Variants in TUBD1 observed in about 807,000 individuals in gnomAD.
TUBD1 encodes tubulin delta 1.
TUBD1 carries 38 observed loss-of-function variants against 51.2 expected under a neutral mutation model. The ratio of observed to expected loss-of-function variants is 0.74; its 90% CI spans 0.57 to 0.97. The LOEUF is 0.97. Ranked by LOEUF, TUBD1 falls within the 50% of genes least tolerant of loss-of-function variation. The pLI is 0.00. For missense variants in TUBD1, 489 were observed against 538.4 expected (o/e 0.91, Z 0.91); for synonymous variants, 169 against 178.2 (o/e 0.95, Z 0.41).
intron 8 of TUBD1, among the ~76,000 whole-genome samples, chr17:59,862,488 T>C (rs1598495424): frequency 6.6e-6 from 1 of 152,026 alleles, no homozygotes; most frequent in Non-Finnish European, 1.5e-5. Context: ...CATAATCTTA[T>C]TGAGGAACAT....
At position 59,892,207 on chromosome 17, in the gene TUBD1, G is replaced by A. The variant is rs76920334; in HGVS notation, c.-40+490C>T. Among the ~76,000 whole-genome samples, 391 of 152,230 alleles carry A rather than the reference G, an allele frequency of 2.6e-3. 1 individual carries two copies. Among genetic ancestry groups the A allele is most frequent in the Non-Finnish European group, 4.5e-3 (303 of 68,034 alleles). On this transcript the variant is annotated intron_variant, in intron 1 of 8. Transcript: ENST00000325752. ...TAAGAAAGATTTTGTGTTTAGCTCA[G>A]GTAGGACAGCAAGAAAGATGCAGCT...
At chr17:59,869,216 C>T (rs769463492) in intron 6 of TUBD1, among the ~76,000 whole-genome samples, 6 of 151,800 alleles carry the variant, frequency 4.0e-5, no homozygotes, top group Non-Finnish European at 7.4e-5. Flanking sequence ...TGGCTTCTGC[C>T]TATAATCCCA....
chr17:59,885,816 T>C (rs1006742734), intron 3 of TUBD1, among the ~76,000 whole-genome samples: 2 of 152,190 alleles, frequency 1.3e-5, no homozygotes. Flanking sequence ...GATATGGACA[T>C]TACATTGGTA....
Position 59,877,978 on chromosome 17 carries a change from G to C in TUBD1, c.769+125C>G. The C allele has an allele frequency of 6.7e-6, 5 of 747,140 alleles. No homozygotes were observed. In the South Asian group the frequency reaches 9.4e-5, roughly 14 times the overall value. 46.3% of individuals were successfully genotyped at this position (747,140 alleles called of 1,614,324 possible). Reference sequence around the variant, plus strand: ...AGTTCAGAGAACTAGCAGATGTGAAGAAAGGGTTTTGAGATGAGCAAGACT... The same window carrying C: ...AGTTCAGAGAACTAGCAGATGTGAACAAAGGGTTTTGAGATGAGCAAGACT... On this transcript the variant is annotated intron_variant, in intron 5 of 8. Coordinates refer to ENST00000325752, the MANE Select transcript of TUBD1 (RefSeq NM_016261.4).
Position 59,891,127 on chromosome 17 carries a change from TAA to T in TUBD1, c.-39-88_-39-87del, listed in dbSNP as rs894091601. ...GCCATGTATGTTAATTATACATCAATAAAAAGTCTTTTTTCCCCCCTGAGACG... is the reference window on the plus strand; with the variant it reads ...GCCATGTATGTTAATTATACATCAATAAAGTCTTTTTTCCCCCCTGAGACG... On this transcript the variant is annotated intron_variant, in intron 1 of 8. Coordinates refer to ENST00000325752, the MANE Select transcript of TUBD1 (RefSeq NM_016261.4). 1.4e-5 allele frequency: 10 copies of T among 740,278 alleles called. No individual in the cohort carries two copies. The African/African-American group carries it at 1.8e-4, about 13-fold the overall frequency. 45.9% of individuals were successfully genotyped at this position (740,278 alleles called of 1,614,324 possible).
intron 4 of TUBD1, among the ~76,000 whole-genome samples, chr17:59,879,268 CA>C (rs373101335): frequency 5.5e-4 from 71 of 128,428 alleles, no homozygotes; most frequent in Middle Eastern, 3.9e-3. Context: ...AACTCTGTCT[CA>C]AAAAAAAAAA....
intron 8 of TUBD1, among the ~76,000 whole-genome samples, chr17:59,861,817 G>A (rs58777161): frequency 0.13 from 19,458 of 150,634 alleles, 1,510 homozygotes; most frequent in Middle Eastern, 0.22. Context: ...ACAGGTGCCC[G>A]CCACCACGCC....
At chr17:59,870,336 G>A (rs1299950165) in intron 6 of TUBD1, among the ~76,000 whole-genome samples, 1 of 119,340 alleles carries the variant, frequency 8.4e-6, no homozygotes, top group African/African-American at 3.2e-5. Flanking sequence ...TGATGCCACT[G>A]CATCATCTTA....
At chr17:59,880,438 G>A (rs1332781187) in intron 4 of TUBD1, among the ~76,000 whole-genome samples, 2 of 152,010 alleles carry the variant, frequency 1.3e-5, no homozygotes, top group Non-Finnish European at 2.9e-5. Context: ...ATATAATATG[G>A]TACTCATATT....
At chr17:59,869,639 C>A (rs1008578665) in intron 6 of TUBD1, among the ~76,000 whole-genome samples, 1 of 152,122 alleles carries the variant, frequency 6.6e-6, no homozygotes. Context: ...AGGTATTGCT[C>A]GAAAAACAGG....
At chr17:59,888,673 A>G (rs1211599916) in intron 2 of TUBD1, among the ~76,000 whole-genome samples, 1 of 152,106 alleles carries the variant, frequency 6.6e-6, no homozygotes, top group Non-Finnish European at 1.5e-5. Flanking sequence ...ACAACTGGAG[A>G]AGAAAAGTGG....
intron 3 of TUBD1, chr17:59,885,573 T>C: frequency 1.6e-6 from 2 of 1,271,972 alleles, no homozygotes; most frequent in South Asian, 1.2e-5. Flanking sequence ...TCGTGGGCTT[T>C]TGTGCCCTCT....
chr17:59,872,031 G>A (rs1465220651), intron 6 of TUBD1, among the ~76,000 whole-genome samples: 2 of 151,904 alleles, frequency 1.3e-5, no homozygotes, highest in Non-Finnish European at 2.9e-5. Flanking sequence ...TCAGCTCGCT[G>A]CAACCTCTGC....
intron 4 of TUBD1, chr17:59,878,634 C>T: frequency 3.8e-6 from 1 of 265,132 alleles, no homozygotes; most frequent in Non-Finnish European, 7.3e-6. Context: ...CTTGTGCCAC[C>T]ATGCCCAGCT....
chr17:59,888,798 G>A (rs1194327631), intron 2 of TUBD1, among the ~76,000 whole-genome samples: 2 of 150,746 alleles, frequency 1.3e-5, no homozygotes, highest in African/African-American at 2.4e-5. Flanking sequence ...CACACTCTCC[G>A]ACTCCCGGGT....
chr17:59,865,449 G>A lies in TUBD1; in HGVS notation c.1075+1160C>T, dbSNP rs539638870. ...AAAAAAATCAACCGGGCATGGTGGC[G>A]CATGCCTATAATCCCAGCTACTTGG... On this transcript the variant is annotated intron_variant, in intron 7 of 8. Coordinates refer to ENST00000325752, the MANE Select transcript of TUBD1 (RefSeq NM_016261.4). Among the ~76,000 whole-genome samples, 28 of 152,176 alleles carry A rather than the reference G, an allele frequency of 1.8e-4. No homozygotes were observed. In the South Asian group the frequency reaches 2.9e-3, roughly 16 times the overall value.
intron 2 of TUBD1, among the ~76,000 whole-genome samples, chr17:59,887,080 G>A (rs538020008): frequency 6.6e-5 from 10 of 152,136 alleles, no homozygotes; most frequent in Non-Finnish European, 1.0e-4. Flanking sequence ...CAGCTACTCC[G>A]GAGGCTGAGG....
intron 2 of TUBD1, among the ~76,000 whole-genome samples, chr17:59,888,215 A>G (rs1417624040): frequency 2.6e-5 from 4 of 152,084 alleles, no homozygotes; most frequent in East Asian, 1.9e-4. Flanking sequence ...GATTATAGGC[A>G]TGAGCCACTG....
In TUBD1 at chr17:59,859,700, A is replaced by G. The variant is rs367634147; in HGVS notation, c.*622T>C. The G allele has an allele frequency of 1.6e-4, 24 of 152,612 alleles. No homozygotes were observed. Among genetic ancestry groups the G allele is most frequent in the African/African-American group, 5.8e-4 (24 of 41,452 alleles). 9.5% of individuals were successfully genotyped at this position (152,612 alleles called of 1,614,324 possible). On this transcript the variant is annotated 3_prime_UTR_variant, in exon 9 of 9. Transcript: ENST00000325752. ...TTCCTTAGCTTGAAATTATGCTGTG[A>G]AAGTTTGGTTCATGCTTTGTGAGTT...
Sources: allele counts gnomAD v4.1 joint callset (sites outside exome capture counted in the v4.1 genomes callset), GRCh38; gene constraint gnomAD v4.1.1; transcripts MANE v1.5; gene names NCBI Gene and HGNC (gene_info 2026-07-23, HGNC 2026-07-21).